The following LARP1B variants were observed in gnomAD, a reference collection of about 807,000 sequenced individuals.
LARP1B encodes the protein la-related protein 1B.
A neutral mutation model predicts 114.2 loss-of-function variants in LARP1B; 76 were observed. The ratio of observed to expected loss-of-function variants is 0.67; its 90% CI spans 0.55 to 0.81. The LOEUF is 0.81. Ranked by LOEUF, LARP1B falls within the 30% of genes least tolerant of loss-of-function variation. The probability of loss-of-function intolerance (pLI) is 0.00; values close to 1 mark genes in which losing one functional copy is unlikely to be tolerated. For missense variants in LARP1B, 1,014 were observed against 1,075.8 expected (o/e 0.94, Z 0.80); for synonymous variants, 345 against 348.0 (o/e 0.99, Z 0.10).
chr4:128,142,881 C>T (rs1355405462), intron 11 of LARP1B, among the ~76,000 whole-genome samples: 2 of 152,116 alleles, frequency 1.3e-5, no homozygotes, highest in African/African-American at 2.4e-5. Flanking sequence ...CTTCTCAGAT[C>T]GCTTTCCTTT....
intron 1 of LARP1B, chr4:128,069,072 C>T (rs1764184930): frequency 9.8e-7 from 1 of 1,024,362 alleles, no homozygotes; most frequent in East Asian, 2.4e-5. Context: ...CTGGTGAGAA[C>T]CACCAATAGT....
intron 11 of LARP1B, among the ~76,000 whole-genome samples, chr4:128,146,996 T>A (rs1730635581): frequency 6.6e-6 from 1 of 152,284 alleles, no homozygotes; most frequent in Non-Finnish European, 1.5e-5. Context: ...TGCAACACAT[T>A]CTCCTTGATG....
intron 11 of LARP1B, among the ~76,000 whole-genome samples, chr4:128,146,935 T>C (rs1730603411): frequency 6.6e-6 from 1 of 152,242 alleles, no homozygotes; most frequent in South Asian, 2.1e-4. Context: ...GACCCACTGT[T>C]ATGCTTAGTA....
chr4:128,163,014 A>G (rs1332660587), intron 12 of LARP1B, among the ~76,000 whole-genome samples: 1 of 152,162 alleles, frequency 6.6e-6, no homozygotes, highest in Non-Finnish European at 1.5e-5. Context: ...TAACACATAA[A>G]TAGCAGGACA....
chr4:128,095,679 T>C (rs1777662235), intron 7 of LARP1B, among the ~76,000 whole-genome samples: 1 of 152,074 alleles, frequency 6.6e-6, no homozygotes. Flanking sequence ...CAGTAAAAGG[T>C]AGCTGAAAAC....
At chr4:128,195,379 C>T (rs1001591842) in intron 15 of LARP1B, among the ~76,000 whole-genome samples, 3 of 152,106 alleles carry the variant, frequency 2.0e-5, no homozygotes, top group Non-Finnish European at 2.9e-5. Flanking sequence ...TTTCAAATTT[C>T]TATTTGTTAG....
At chr4:128,086,774 AG>A (rs1773743536) in intron 5 of LARP1B, among the ~76,000 whole-genome samples, 1 of 152,090 alleles carries the variant, frequency 6.6e-6, no homozygotes, top group Non-Finnish European at 1.5e-5. Context: ...CTCAGGTGTT[AG>A]GTTGATCAGT....
At chr4:128,085,619 C>A (rs958985691) in intron 5 of LARP1B, among the ~76,000 whole-genome samples, 2 of 152,106 alleles carry the variant, frequency 1.3e-5, no homozygotes, top group African/African-American at 4.8e-5. Context: ...TCTCCTGCCT[C>A]GGCCTCCCGA....
intron 1 of LARP1B, chr4:128,061,866 G>T (rs890820946): frequency 2.0e-6 from 2 of 985,216 alleles, no homozygotes; most frequent in South Asian, 4.7e-5. Context: ...GCCGCCACTA[G>T]CGCTGGGGCG....
At chr4:128,061,090 G>A (rs1759954163), upstream of LARP1B, among the ~76,000 whole-genome samples, 1 of 152,012 alleles carries the variant, frequency 6.6e-6, no homozygotes, top group Non-Finnish European at 1.5e-5. Context: ...GCCTCAGCCA[G>A]TGAGCCGGGA....
At chr4:128,155,544 G>T (rs977736299) in intron 11 of LARP1B, 3 of 798,482 alleles carry the variant, frequency 3.8e-6, no homozygotes, top group Admixed American at 3.4e-5. Flanking sequence ...AGCTGCAGTG[G>T]ATGGTACAGC....
rs1455467650 is a variant in LARP1B, at chr4:128,085,150, A to G, written c.358+2845A>G. ...AAGTGCTGGGTTATAGGCTTGAGCC[A>G]CTGCGACTGGCCACAATGATTATTA... On this transcript the variant is annotated intron_variant, in intron 5 of 19. Coordinates refer to ENST00000326639, the MANE Select transcript of LARP1B (RefSeq NM_018078.4). Among the ~76,000 whole-genome samples the G allele has an allele frequency of 2.0e-5, 3 of 152,154 alleles. No individual in the cohort carries two copies. The East Asian group carries it at 5.8e-4, about 29-fold the overall frequency.
chr4:128,082,404 G>T, intron 5 of LARP1B, 99 bp downstream of exon 5: 1 of 1,070,776 alleles, frequency 9.3e-7, no homozygotes, highest in South Asian at 1.5e-5. Flanking sequence ...AGAATAAGTT[G>T]AAGACATCAT....
At chr4:128,084,398 G>A (rs543315124) in intron 5 of LARP1B, among the ~76,000 whole-genome samples, 2 of 152,380 alleles carry the variant, frequency 1.3e-5, no homozygotes, top group East Asian at 1.9e-4. Context: ...CGAGGCTGGC[G>A]GATCACTCGC....
rs367737696 is a variant in LARP1B, at chr4:128,098,207, A to G, written c.690A>G (p.Glu230=). 11 of 1,611,454 alleles carry G rather than the reference A, an allele frequency of 6.8e-6. No homozygotes were observed. The highest frequency in any genetic ancestry group is 9.3e-6 in the Non-Finnish European group (11 of 1,177,820). ...TCAGTGAATATTACTTCAGTGTAGA[A>G]AATTTGGAACGAGACTTCTTTCTTC... The part of the protein sequence containing the change: ...KRQIEYYFSV[E]NLERDFFLRG... The change falls in exon 8 of 20, where the codon GAA becomes GAG. Residue 230 remains glutamate (E), a synonymous_variant. Transcript: ENST00000326639.
chr4:128,109,809 A>G (rs1783391110), intron 9 of LARP1B, among the ~76,000 whole-genome samples: 1 of 151,780 alleles, frequency 6.6e-6, no homozygotes, highest in Non-Finnish European at 1.5e-5. Context: ...AACCTTTTTA[A>G]TTACCCAGAA....
chr4:128,141,123 T>C (rs1727913361), intron 11 of LARP1B, among the ~76,000 whole-genome samples: 1 of 152,158 alleles, frequency 6.6e-6, no homozygotes, highest in Non-Finnish European at 1.5e-5. Flanking sequence ...CAATTGTCTC[T>C]GCTTTTTTGC....
At chr4:128,108,244 T>G (rs910047090) in intron 9 of LARP1B, 2 of 1,119,676 alleles carry the variant, frequency 1.8e-6, no homozygotes, top group Admixed American at 9.4e-5. Context: ...TGTTTTCTGT[T>G]TCCAGGGTTA....
At chr4:128,180,655 T>G (rs894615079) in intron 15 of LARP1B, among the ~76,000 whole-genome samples, 1 of 152,220 alleles carries the variant, frequency 6.6e-6, no homozygotes, top group Non-Finnish European at 1.5e-5. Context: ...ATTTACCTAA[T>G]GAAGGACATC....
Sources: allele counts gnomAD v4.1 joint callset (sites outside exome capture counted in the v4.1 genomes callset), GRCh38; gene constraint gnomAD v4.1.1; transcripts MANE v1.5; gene names NCBI Gene and HGNC (gene_info 2026-07-23, HGNC 2026-07-21).